Variants in PTPRD observed in about 807,000 individuals in gnomAD.
PTPRD encodes protein tyrosine phosphatase receptor type D.
In PTPRD, 34 loss-of-function variants were observed where a neutral mutation model predicts 214.5. The ratio of observed to expected loss-of-function variants is 0.16; its 90% CI spans 0.12 to 0.21. The LOEUF (loss-of-function observed/expected upper bound fraction) is 0.21, where lower values mean the gene tolerates loss of function less well. PTPRD is among the 10% of genes least tolerant of loss of function. PTPRD has a pLI of 1.00. For synonymous variants in PTPRD, 1,128 were observed against 845.7 expected (o/e 1.33, Z -5.79); for missense variants, 2,545 against 2,398.7 (o/e 1.06, Z -1.27).
At chr9:8,804,016 A>C (rs936455484) in intron 11 of PTPRD, among the ~76,000 whole-genome samples, 13 of 151,916 alleles carry the variant, frequency 8.6e-5, no homozygotes, top group African/African-American at 2.7e-4. Context: ...GTAGTGGTGC[A>C]ATCTTGGCTC....
intron 2 of PTPRD, among the ~76,000 whole-genome samples, chr9:10,403,678 T>C (rs1414557234): frequency 6.6e-6 from 1 of 151,104 alleles, no homozygotes; most frequent in South Asian, 2.1e-4. Flanking sequence ...TAAAAGGAAA[T>C]AAGATATCAA....
At chr9:9,399,525 G>A (rs1033889093) in intron 8 of PTPRD, among the ~76,000 whole-genome samples, 9 of 152,056 alleles carry the variant, frequency 5.9e-5, no homozygotes, top group African/African-American at 1.9e-4. Flanking sequence ...AAAGGTCAAA[G>A]TTTTCAAAGT....
intron 10 of PTPRD, among the ~76,000 whole-genome samples, chr9:9,059,605 T>G (rs2099703488): frequency 6.6e-6 from 1 of 152,154 alleles, no homozygotes; most frequent in African/African-American, 2.4e-5. Context: ...ATGTATGTCC[T>G]TAAGCACATT....
At chr9:9,766,380 G>A (rs932369078) in intron 6 of PTPRD, among the ~76,000 whole-genome samples, 6 of 151,932 alleles carry the variant, frequency 3.9e-5, no homozygotes, top group African/African-American at 9.7e-5. Flanking sequence ...TTTTAAATTG[G>A]TTTTAATTCT....
intron 12 of PTPRD, among the ~76,000 whole-genome samples, chr9:8,655,952 G>A (rs1050437780): frequency 1.2e-4 from 19 of 152,104 alleles, no homozygotes; most frequent in Admixed American, 5.9e-4. Flanking sequence ...ACTTAGTGCA[G>A]AAGAGAAAGT....
intron 2 of PTPRD, among the ~76,000 whole-genome samples, chr9:10,575,096 G>A (rs966556212): frequency 1.3e-5 from 2 of 151,834 alleles, no homozygotes; most frequent in Non-Finnish European, 2.9e-5. Flanking sequence ...ACATCCTTTA[G>A]ATTACTGAAA....
chr9:9,947,259 T>C (rs1449759730), intron 4 of PTPRD, among the ~76,000 whole-genome samples: 1 of 121,586 alleles, frequency 8.2e-6, no homozygotes, highest in East Asian at 2.3e-4. Flanking sequence ...ATCCAAATTC[T>C]TTTCTAGTTA....
At chr9:10,589,501 T>C (rs1271321883) in intron 2 of PTPRD, among the ~76,000 whole-genome samples, 1 of 152,014 alleles carries the variant, frequency 6.6e-6, no homozygotes, top group Non-Finnish European at 1.5e-5. Context: ...ACTAAGACAT[T>C]AGAGCATAAG....
At chr9:8,745,784 T>TTC (rs60391748) in intron 11 of PTPRD, among the ~76,000 whole-genome samples, 4,397 of 148,792 alleles carry the variant, frequency 0.03, 81 homozygotes, top group African/African-American at 0.055. Flanking sequence ...TTTATGGAGT[T>TTC]TCTCTCTCTC....
chr9:10,170,211 G>C (rs77245682), intron 3 of PTPRD, among the ~76,000 whole-genome samples: 3,304 of 152,230 alleles, frequency 0.022, 119 homozygotes, highest in African/African-American at 0.074. Flanking sequence ...CTGCTGTAGG[G>C]AGCATTATTG....
chr9:9,414,678 G>C (rs935949916), intron 8 of PTPRD: 3 of 152,116 alleles, frequency 2.0e-5, no homozygotes, highest in Non-Finnish European at 1.5e-5. Flanking sequence ...AGTTTTGACA[G>C]GACAATTTAC....
chr9:8,433,558 T>A (rs1470357815), intron 35 of PTPRD, among the ~76,000 whole-genome samples: 1 of 152,208 alleles, frequency 6.6e-6, no homozygotes, highest in Non-Finnish European at 1.5e-5. Flanking sequence ...ATATTGATGA[T>A]TCTGACTCTG....
chr9:9,096,312 C>T (rs1031449296), intron 10 of PTPRD, among the ~76,000 whole-genome samples: 1 of 152,066 alleles, frequency 6.6e-6, no homozygotes, highest in African/African-American at 2.4e-5. Context: ...TATAAGTATC[C>T]CATAACATCA....
chr9:8,653,427 A>G (rs1455093350), intron 12 of PTPRD, among the ~76,000 whole-genome samples: 1 of 152,182 alleles, frequency 6.6e-6, no homozygotes, highest in Non-Finnish European at 1.5e-5. Flanking sequence ...GTCAATATAA[A>G]GGTTCTGCCA....
intron 2 of PTPRD, among the ~76,000 whole-genome samples, chr9:10,549,165 A>T (rs1670200030): frequency 6.6e-6 from 1 of 152,172 alleles, no homozygotes; most frequent in South Asian, 2.1e-4. Flanking sequence ...TGTGTAGCAT[A>T]TAAAAACTGT....
chr9:9,818,688 T>C (rs2049610963), intron 5 of PTPRD, among the ~76,000 whole-genome samples: 1 of 152,024 alleles, frequency 6.6e-6, no homozygotes, highest in African/African-American at 2.4e-5. Context: ...GAGGCCGAGA[T>C]GGGTGGACCA....
chr9:9,815,579 C>G (rs915301020), intron 5 of PTPRD, among the ~76,000 whole-genome samples: 3 of 151,952 alleles, frequency 2.0e-5, no homozygotes, highest in Non-Finnish European at 2.9e-5. Context: ...TAAAGAAATC[C>G]TACAGACTGG....
intron 9 of PTPRD, among the ~76,000 whole-genome samples, chr9:9,394,629 GC>G (rs2067071386): frequency 6.6e-6 from 1 of 152,014 alleles, no homozygotes; most frequent in Non-Finnish European, 1.5e-5. Flanking sequence ...ACAGTGCCTG[GC>G]AAATAGTCAT....
At chr9:9,659,358 A>T (rs950218151) in intron 7 of PTPRD, among the ~76,000 whole-genome samples, 1 of 152,108 alleles carries the variant, frequency 6.6e-6, no homozygotes, top group Non-Finnish European at 1.5e-5. Context: ...TTCAACAAAT[A>T]AATGTTTCAA....
Sources: gnomAD v4.1 joint callset for allele counts (sites outside exome capture counted in the v4.1 genomes callset) on GRCh38, gnomAD v4.1.1 for gene constraint, MANE v1.5 for transcripts, NCBI Gene and HGNC (gene_info 2026-07-23, HGNC 2026-07-21) for gene names.